The following SBK1 variants were observed in gnomAD, a reference collection of about 807,000 sequenced individuals.
The protein encoded by SBK1 is SH3 domain binding kinase 1, also known as serine/threonine-protein kinase SBK1.
A neutral mutation model predicts 24.4 loss-of-function variants in SBK1; 11 were observed. The observed-to-expected ratio is 0.45, with a 90% CI of 0.28 to 0.75. SBK1 has a LOEUF of 0.75. Among genes scored for constraint, SBK1 ranks in the 30% least tolerant of loss-of-function variants. The pLI, the probability that SBK1 is intolerant of heterozygous loss-of-function variation, is 0.12. For missense variants in SBK1, 467 were observed against 620.5 expected (o/e 0.75, Z 2.63); for synonymous variants, 308 against 284.4 (o/e 1.08, Z -0.83).
intron 1 of SBK1, among the ~76,000 whole-genome samples, chr16:28,284,312 C>A (rs1342252164): frequency 6.6e-6 from 1 of 152,240 alleles, no homozygotes; most frequent in Non-Finnish European, 1.5e-5. Flanking sequence ...ATTCCTGGGG[C>A]TGGTTTTGCT....
At chr16:28,314,460 C>T (rs568916287) in intron 1 of SBK1, among the ~76,000 whole-genome samples, 15 of 151,686 alleles carry the variant, frequency 9.9e-5, no homozygotes, top group East Asian at 5.8e-4. Flanking sequence ...AGTGGCCCAA[C>T]GCACTATTAT....
intron 1 of SBK1, among the ~76,000 whole-genome samples, chr16:28,313,466 G>A (rs960942381): frequency 2.6e-5 from 4 of 151,476 alleles, no homozygotes; most frequent in East Asian, 2.0e-4. Context: ...GTGTGGTGGC[G>A]TACACCTTGT....
In SBK1 at chr16:28,263,282, G is replaced by C. The variant is rs537401594; in HGVS notation, c.257+3780G>C. Among the ~76,000 whole-genome samples the C allele has an allele frequency of 3.3e-4, 50 of 152,246 alleles. 1 individual carries two copies. Among genetic ancestry groups the C allele is most frequent in the Admixed American group, 1.8e-3 (28 of 15,284 alleles). ...TCTCATGGGGTTTATATCTAATGAG[G>C]GAGTCAAACAAAACACAAGTGAACA... On this transcript the variant is annotated intron_variant, in intron 1 of 3. Coordinates refer to the SBK1 transcript ENST00000671413.
In SBK1 at chr16:28,259,856, C is replaced by T. The variant is rs897166970; in HGVS notation, c.257+354C>T. Reference sequence around the variant, plus strand: ...GGCCGACACTCCCCACCTCATCTCACTCTGTTCCCCTATATTAACCTCCAG... The same window carrying T: ...GGCCGACACTCCCCACCTCATCTCATTCTGTTCCCCTATATTAACCTCCAG... On this transcript the variant is annotated intron_variant, in intron 1 of 3. Coordinates refer to the SBK1 transcript ENST00000671413. The surrounding 1 kb of genome is among the most constrained non-coding windows in gnomAD (Gnocchi z 6.0). Among the ~76,000 whole-genome samples, 2 of 152,112 alleles carry T rather than the reference C, an allele frequency of 1.3e-5. No individual in the cohort carries two copies. Among genetic ancestry groups the T allele is most frequent in the Admixed American group, 6.6e-5 (1 of 15,266 alleles).
Position 28,259,374 on chromosome 16 carries a change from C to G in SBK1, c.129C>G (p.Pro43=), listed in dbSNP as rs1486201882. ...CTGCGGAGGCCACCCCTGGCCACCC[C>G]TGCCCTGTCCTGGAGCTGCCTCCGG... is the stretch of plus-strand genomic sequence containing the variant. The change falls in exon 1 of 4, where the codon CCC becomes CCG. Residue 43 remains proline (P), a synonymous_variant. Transcript: ENST00000671413. The surrounding 1 kb of genome is among the most constrained non-coding windows in gnomAD (Gnocchi z 6.0). 1.1e-6 allele frequency: 1 copy of G among 905,042 alleles called. No homozygotes were observed. Among genetic ancestry groups the G allele is most frequent in the Non-Finnish European group, 1.3e-6 (1 of 756,784 alleles). The allele number at this position is 905,042 out of a possible 1,614,324, so 56.1% of individuals were successfully genotyped here. A position where few individuals can be genotyped will look rare whatever the true frequency, so the allele number is the denominator to read the frequency against.
At chr16:28,263,827 C>G (rs1211408543) in intron 1 of SBK1, among the ~76,000 whole-genome samples, 1 of 152,082 alleles carries the variant, frequency 6.6e-6, no homozygotes, top group Non-Finnish European at 1.5e-5. Context: ...AAAGTGCTTT[C>G]TGAACATATT....
chr16:28,262,311 C>T (rs550868262), intron 1 of SBK1, among the ~76,000 whole-genome samples: 1 of 152,336 alleles, frequency 6.6e-6, no homozygotes, highest in South Asian at 2.1e-4. Context: ...CTGGCTGCCA[C>T]GTTTAGCAGC....
rs866353932 is a variant in SBK1 at position 28,293,146 on chromosome 16, C to G, written c.-162C>G. On this transcript the variant is annotated 5_prime_UTR_variant, in exon 1 of 4. Coordinates refer to ENST00000341901, the MANE Select transcript of SBK1 (RefSeq NM_001024401.3). ...CAGCAAGAAGCCTCGGGGATCCCCCCCCTAAAGCTCCAGGACTTGGGCGAC... is the reference window on the plus strand; with the variant it reads ...CAGCAAGAAGCCTCGGGGATCCCCCGCCTAAAGCTCCAGGACTTGGGCGAC... 20 of 985,742 alleles carry G rather than the reference C, an allele frequency of 2.0e-5. No individual in the cohort carries two copies. In the Admixed American group the frequency reaches 8.6e-4, roughly 42 times the overall value. The allele number at this position is 985,742 out of a possible 1,614,324, so 61.1% of individuals were successfully genotyped here.
chr16:28,285,349 T>G (rs1452644014), intron 1 of SBK1: 1 of 151,218 alleles, frequency 6.6e-6, no homozygotes, highest in East Asian at 1.9e-4. Context: ...AAGTCAGGAG[T>G]TCAAGACCAG....
At chr16:28,306,349 C>T (rs1427728861) in intron 1 of SBK1, among the ~76,000 whole-genome samples, 3 of 152,230 alleles carry the variant, frequency 2.0e-5, no homozygotes, top group Non-Finnish European at 2.9e-5. Context: ...TGGGGCCAAG[C>T]ATGCCTAAAG....
chr16:28,282,965 G>C (rs947891175), intron 1 of SBK1, among the ~76,000 whole-genome samples: 1 of 151,926 alleles, frequency 6.6e-6, no homozygotes, highest in Non-Finnish European at 1.5e-5. Context: ...ACGGAGTCTC[G>C]CTCCATTGCC....
chr16:28,302,715 T>G (rs1435848777), intron 1 of SBK1, among the ~76,000 whole-genome samples: 2 of 152,236 alleles, frequency 1.3e-5, no homozygotes, highest in Admixed American at 1.3e-4. Flanking sequence ...ACCCAGTTCC[T>G]GCCATTCTCC....
intron 1 of SBK1, among the ~76,000 whole-genome samples, chr16:28,297,447 G>A (rs1438535512): frequency 6.6e-6 from 1 of 152,192 alleles, no homozygotes; most frequent in African/African-American, 2.4e-5. Flanking sequence ...AGCTCTAGAA[G>A]GGAGTGCACC....
intron 1 of SBK1, among the ~76,000 whole-genome samples, chr16:28,262,200 G>A (rs2044402153): frequency 6.6e-6 from 1 of 152,134 alleles, no homozygotes; most frequent in Admixed American, 6.5e-5. Context: ...GGTCACCTTG[G>A]GGGCTTAGAG....
intron 1 of SBK1, among the ~76,000 whole-genome samples, chr16:28,314,252 G>A (rs1238042291): frequency 6.6e-6 from 1 of 151,382 alleles, no homozygotes; most frequent in Non-Finnish European, 1.5e-5. Context: ...GAATTCCTGG[G>A]TTCAAGCGAT....
chr16:28,266,830 T>G (rs776919658), intron 1 of SBK1, among the ~76,000 whole-genome samples: 4 of 151,368 alleles, frequency 2.6e-5, no homozygotes, highest in Non-Finnish European at 4.4e-5. Context: ...AGCCTTGACC[T>G]TCTGGGCTCA....
chr16:28,283,602 G>C (rs1209517340), intron 1 of SBK1, among the ~76,000 whole-genome samples: 1 of 152,136 alleles, frequency 6.6e-6, no homozygotes, highest in African/African-American at 2.4e-5. Flanking sequence ...TGATCAGTGG[G>C]GGCTGGGTCA....
Position 28,322,245 on chromosome 16 carries a change from G to C in SBK1, c.*1324G>C, listed in dbSNP as rs1369027995. On this transcript the variant is annotated 3_prime_UTR_variant, in exon 4 of 4. Transcript: ENST00000341901. ...CAGGCAGCTGTCCCAGGGCGCCCAG[G>C]CCTGCCTTGCACCACAGCCCTCAGG... is the stretch of plus-strand genomic sequence containing the variant. 1 of 152,712 alleles carries C rather than the reference G, an allele frequency of 6.5e-6. No individual in the cohort carries two copies. The highest frequency in any genetic ancestry group is 2.4e-5 in the African/African-American group (1 of 41,426). 9.5% of individuals were successfully genotyped at this position (152,712 alleles called of 1,614,324 possible). A position where few individuals can be genotyped will look rare whatever the true frequency, so the allele number is the denominator to read the frequency against.
At chr16:28,267,072 AT>A (rs111632036) in intron 1 of SBK1, among the ~76,000 whole-genome samples, 1 of 151,454 alleles carries the variant, frequency 6.6e-6, no homozygotes, top group African/African-American at 2.4e-5. Context: ...ACACCTGGCT[AT>A]TTTTTTTATT....
Sources: gnomAD v4.1 joint callset for allele counts (sites outside exome capture counted in the v4.1 genomes callset) on GRCh38, gnomAD v4.1.1 for gene constraint, Gnocchi (gnomAD v3.1) non-coding constraint, MANE v1.5 for transcripts, NCBI Gene and HGNC (gene_info 2026-07-23, HGNC 2026-07-21) for gene names.